Variants in NUBPL observed in about 807,000 individuals in gnomAD.
NUBPL encodes the protein iron-sulfur cluster transfer protein NUBPL.
A neutral mutation model predicts 45.7 loss-of-function variants in NUBPL; 31 were observed. The ratio of observed to expected loss-of-function variants is 0.68; its 90% CI spans 0.51 to 0.92. NUBPL has a LOEUF of 0.92. Ranked by LOEUF, NUBPL falls within the 40% of genes least tolerant of loss-of-function variation. The probability of loss-of-function intolerance (pLI) is 0.00; values close to 1 mark genes in which losing one functional copy is unlikely to be tolerated. For synonymous variants in NUBPL, 144 were observed against 140.9 expected (o/e 1.02, Z -0.15); for missense variants, 401 against 398.7 (o/e 1.01, Z -0.05).
Position 31,752,750 on chromosome 14 carries a change from A to G in NUBPL, c.514-35030A>G, listed in dbSNP as rs148658969. Among the ~76,000 whole-genome samples the G allele has an allele frequency of 3.0e-4, 46 of 152,340 alleles. 1 individual carries two copies. In the Middle Eastern group the frequency reaches 0.01, roughly 34 times the overall value. On this transcript the variant is annotated intron_variant, in intron 6 of 10. Transcript: ENST00000281081. ...GCAGTACCCCAGTATCCTGGTACCA[A>G]TTTCCTGTATTAGTCTGTTTTCATA...
At chr14:31,672,455 G>A (rs2036594469) in intron 4 of NUBPL, among the ~76,000 whole-genome samples, 1 of 152,064 alleles carries the variant, frequency 6.6e-6, no homozygotes, top group African/African-American at 2.4e-5. Flanking sequence ...TAGTTGAGTT[G>A]TTTTATTGAG....
At chr14:31,764,699 G>T (rs2038879073) in intron 6 of NUBPL, among the ~76,000 whole-genome samples, 3 of 152,132 alleles carry the variant, frequency 2.0e-5, no homozygotes, top group Non-Finnish European at 4.4e-5. Flanking sequence ...TGAAGAAACA[G>T]CTGCTCACTT....
At chr14:31,667,667 G>A (rs1042071326) in intron 4 of NUBPL, among the ~76,000 whole-genome samples, 1 of 152,098 alleles carries the variant, frequency 6.6e-6, no homozygotes, top group Non-Finnish European at 1.5e-5. Flanking sequence ...TTTGCGCTGG[G>A]TTTTCCTCAT....
chr14:31,825,431 C>A (rs1595682201), intron 7 of NUBPL, among the ~76,000 whole-genome samples: 1 of 152,034 alleles, frequency 6.6e-6, no homozygotes, highest in East Asian at 1.9e-4. Context: ...TTCAGTCTTC[C>A]AAGTAGAATA....
chr14:31,586,076 A>G (rs2033988874), intron 3 of NUBPL, among the ~76,000 whole-genome samples: 1 of 152,182 alleles, frequency 6.6e-6, no homozygotes, highest in Non-Finnish European at 1.5e-5. Flanking sequence ...TTTCCCCTTT[A>G]AACAGCAATG....
intron 4 of NUBPL, among the ~76,000 whole-genome samples, chr14:31,616,305 C>G (rs1459832234): frequency 1.3e-5 from 2 of 151,876 alleles, no homozygotes; most frequent in Non-Finnish European, 2.9e-5. Flanking sequence ...TGCCATTTAT[C>G]AATTTTGGCT....
intron 6 of NUBPL, among the ~76,000 whole-genome samples, chr14:31,719,020 A>C (rs2037749891): frequency 1.3e-5 from 2 of 152,270 alleles, no homozygotes; most frequent in Admixed American, 1.3e-4. Context: ...AATACACCTA[A>C]CCTACCAAAA....
chr14:31,831,099 A>G (rs2040182659), intron 8 of NUBPL, among the ~76,000 whole-genome samples: 1 of 152,008 alleles, frequency 6.6e-6, no homozygotes, highest in Non-Finnish European at 1.5e-5. Context: ...GTTGGAGTGC[A>G]GTGGTGTGAT....
intron 4 of NUBPL, among the ~76,000 whole-genome samples, chr14:31,602,260 G>A (rs2034457053): frequency 6.6e-6 from 1 of 151,676 alleles, no homozygotes. Flanking sequence ...GAGGGGGGAG[G>A]GATAGCATTG....
At chr14:31,664,594 C>T (rs1470748024) in intron 4 of NUBPL, among the ~76,000 whole-genome samples, 6 of 152,144 alleles carry the variant, frequency 3.9e-5, no homozygotes, top group African/African-American at 1.2e-4. Flanking sequence ...CCAACTTGAT[C>T]GTGGTGGATA....
At chr14:31,638,071 G>A (rs776141550) in intron 4 of NUBPL, among the ~76,000 whole-genome samples, 12 of 152,148 alleles carry the variant, frequency 7.9e-5, no homozygotes, top group African/African-American at 2.4e-4. Flanking sequence ...TTTAATTGGA[G>A]CATTTAGGCC....
chr14:31,669,161 C>T (rs141386753), intron 4 of NUBPL, among the ~76,000 whole-genome samples: 2 of 152,198 alleles, frequency 1.3e-5, no homozygotes, highest in Non-Finnish European at 2.9e-5. Flanking sequence ...CTGTGCCTGG[C>T]TTTATTTTTA....
intron 6 of NUBPL, among the ~76,000 whole-genome samples, chr14:31,688,986 G>C (rs1212479470): frequency 6.6e-6 from 1 of 151,742 alleles, no homozygotes; most frequent in Non-Finnish European, 1.5e-5. Context: ...TCCTGCAAGA[G>C]ACCTGATCTC....
chr14:31,743,780 C>G (rs544494258), intron 6 of NUBPL, among the ~76,000 whole-genome samples: 2 of 152,176 alleles, frequency 1.3e-5, no homozygotes, highest in East Asian at 3.9e-4. Context: ...AGAGAGAAAA[C>G]ACTTTTGAGG....
chr14:31,777,850 G>A (rs945957794), intron 6 of NUBPL, among the ~76,000 whole-genome samples: 2 of 152,198 alleles, frequency 1.3e-5, no homozygotes, highest in African/African-American at 4.8e-5. Flanking sequence ...TGGTTGTCTA[G>A]GATCACACAA....
chr14:31,703,977 TGG>T (rs1373823108), intron 6 of NUBPL, among the ~76,000 whole-genome samples: 1 of 152,208 alleles, frequency 6.6e-6, no homozygotes, highest in Non-Finnish European at 1.5e-5. Context: ...ACATTCCTAC[TGG>T]GTCGGCGAGA....
chr14:31,629,878 C>A (rs2139658298), intron 4 of NUBPL, among the ~76,000 whole-genome samples: 1 of 152,202 alleles, frequency 6.6e-6, no homozygotes, highest in Admixed American at 6.5e-5. Flanking sequence ...TCTCGTACTT[C>A]TTTTCTTTGG....
At chr14:31,780,123 C>T (rs544741810) in intron 6 of NUBPL, among the ~76,000 whole-genome samples, 2 of 151,516 alleles carry the variant, frequency 1.3e-5, no homozygotes, top group South Asian at 2.1e-4. Context: ...AGTGCAGTGG[C>T]GAGCTCTTGA....
intron 8 of NUBPL, among the ~76,000 whole-genome samples, chr14:31,834,102 A>G (rs2040235343): frequency 6.6e-6 from 1 of 152,118 alleles, no homozygotes; most frequent in Non-Finnish European, 1.5e-5. Context: ...AAGGAGAGAT[A>G]GAAATTCTAC....
Sources: allele counts gnomAD v4.1 joint callset (sites outside exome capture counted in the v4.1 genomes callset), GRCh38; gene constraint gnomAD v4.1.1; transcripts MANE v1.5; gene names NCBI Gene and HGNC (gene_info 2026-07-23, HGNC 2026-07-21).